The following U2SURP variants were observed in gnomAD, a reference collection of about 807,000 sequenced individuals.
The protein encoded by U2SURP is U2 snRNP-associated SURP motif-containing protein.
U2SURP carries 9 observed loss-of-function variants against 144.9 expected under a neutral mutation model. The observed-to-expected ratio is 0.06, with a 90% CI of 0.04 to 0.11. The LOEUF (loss-of-function observed/expected upper bound fraction) is 0.11, where lower values mean the gene tolerates loss of function less well. Ranked by LOEUF, U2SURP falls within the 10% of genes least tolerant of loss-of-function variation. The pLI is 1.00. For missense variants in U2SURP, 724 were observed against 1,226.7 expected, an observed-to-expected ratio of 0.59 and a Z score of 6.12; for synonymous variants, 408 against 396.8, an observed-to-expected ratio of 1.03 and a Z score of -0.33.
Position 143,020,041 on chromosome 3 carries a change from GT to G in U2SURP, c.638+9del. The G allele has an allele frequency of 1.4e-6, 2 of 1,472,344 alleles. No individual in the cohort carries two copies. The highest frequency in any genetic ancestry group is 1.8e-6 in the Non-Finnish European group (2 of 1,095,828). 91.2% of individuals were successfully genotyped at this position (1,472,344 alleles called of 1,614,324 possible). On this transcript the variant is annotated splice_donor_region_variant and intron_variant, in intron 7 of 27. Coordinates refer to ENST00000473835, the MANE Select transcript of U2SURP (RefSeq NM_001080415.2). ...CTTCAAAGAAGAATTAAAGCAGTAA[GT>G]TTTATAGTGTGGAGAATAACTATCA...
chr3:143,058,463 C>A lies in U2SURP; in HGVS notation c.*2013C>A, dbSNP rs1277410487. The A allele has an allele frequency of 2.0e-5, 3 of 151,806 alleles. No individual in the cohort carries two copies. The highest frequency in any genetic ancestry group is 4.4e-5 in the Non-Finnish European group (3 of 67,794). The allele number at this position is 151,806 out of a possible 1,614,324, so 9.4% of individuals were successfully genotyped here. A position where few individuals can be genotyped will look rare whatever the true frequency, so the allele number is the denominator to read the frequency against. ...GATACAAGTGTCATGGTTTATCTTA[C>A]AGTGGGTGAAACTGACTTTCTTTTG... On this transcript the variant is annotated 3_prime_UTR_variant, in exon 28 of 28. Transcript: ENST00000473835.
At chr3:143,053,535 A>AT (rs11441481) in intron 25 of U2SURP, 141 bp from the exon 26 acceptor site, 234,513 of 466,190 alleles carry the variant, frequency 0.5, 36,116 homozygotes, top group Admixed American at 0.6. Context: ...GAAGGGGTAG[A>AT]TTTTTTTTTT....
chr3:143,016,094 A>C (rs562638664), intron 4 of U2SURP, among the ~76,000 whole-genome samples, 163 bp from the exon 5 acceptor site: 16 of 152,262 alleles, frequency 1.1e-4, no homozygotes, highest in Non-Finnish European at 2.2e-4. Flanking sequence ...TGGTTTCATT[A>C]ATTAATACTT....
At position 143,040,740 on chromosome 3, in the gene U2SURP, T is replaced by G. The variant is rs142687609; in HGVS notation, c.2384+1780T>G. On this transcript the variant is annotated intron_variant, in intron 23 of 27. Transcript: ENST00000473835. ...CCAAAACCAGTTTAGAAAAACTGCTTAAGCCTTGAAAAAATTATAATAGCA... is the reference window on the plus strand; with the variant it reads ...CCAAAACCAGTTTAGAAAAACTGCTGAAGCCTTGAAAAAATTATAATAGCA... Among the ~76,000 whole-genome samples, 687 of 151,974 alleles carry G rather than the reference T, an allele frequency of 4.5e-3. 6 individuals carry two copies. Among genetic ancestry groups the G allele is most frequent in the African/African-American group, 0.016 (644 of 41,538 alleles).
rs762257961 is a variant in U2SURP at position 143,053,773 on chromosome 3, G to A, written c.2753G>A (p.Cys918Tyr). ...AAAGACAAGAAGGAAAAAGATGAGT[G>A]TACTCCGACAAGGAAGGAAAGGTAT... Reference protein sequence around the residue: ...RSKDKKEKDECTPTRKERKRR... With the variant: ...RSKDKKEKDEYTPTRKERKRR... The change falls in exon 26 of 28, where the codon TGT becomes TAT. Residue 918 changes from cysteine (C) to tyrosine (Y), a missense_variant. Coordinates refer to ENST00000473835, the MANE Select transcript of U2SURP (RefSeq NM_001080415.2). 3 of 1,599,348 alleles carry A rather than the reference G, an allele frequency of 1.9e-6. No individual in the cohort carries two copies. The highest frequency in any genetic ancestry group is 2.2e-5 in the East Asian group (1 of 44,748).
chr3:143,009,076 G>C (rs570170141), intron 1 of U2SURP, among the ~76,000 whole-genome samples: 295 of 152,194 alleles, frequency 1.9e-3, no homozygotes, highest in Non-Finnish European at 3.2e-3. Flanking sequence ...TCAGCCTCTT[G>C]CCTGAACTTG....
chr3:143,020,750 T>G, intron 8 of U2SURP, 57 bp downstream of exon 8: 1 of 1,342,952 alleles, frequency 7.4e-7, no homozygotes, highest in Non-Finnish European at 1.1e-6. Context: ...AGTTCCCACC[T>G]TATCCGTGGC....
intron 1 of U2SURP, among the ~76,000 whole-genome samples, chr3:143,008,056 A>C (rs906555027): frequency 2.0e-5 from 3 of 152,274 alleles, no homozygotes; most frequent in African/African-American, 7.2e-5. Context: ...AACTGAAATC[A>C]GCTGGTGCAT....
At chr3:143,049,265 CAAAAAAAAAAAAA>C (rs200930787) in intron 24 of U2SURP, among the ~76,000 whole-genome samples, 5 of 81,516 alleles carry the variant, frequency 6.1e-5, no homozygotes, top group South Asian at 4.2e-4. Flanking sequence ...GACTCCATCT[CAAAAAAAAAAAAA>C]AAAAAAAAAA....
At position 143,059,059 on chromosome 3, in the gene U2SURP, C is replaced by G. The variant is rs1162880284; in HGVS notation, c.*2609C>G. ...AAGTAAGTCTTGATCTGTTTCTTACCAAAGAGAGACAGACCTATGATGGAA... is the reference window on the plus strand; with the variant it reads ...AAGTAAGTCTTGATCTGTTTCTTACGAAAGAGAGACAGACCTATGATGGAA... On this transcript the variant is annotated 3_prime_UTR_variant, in exon 28 of 28. Transcript: ENST00000473835. 6.6e-6 allele frequency: 1 copy of G among 152,184 alleles called. No individual in the cohort carries two copies. Among genetic ancestry groups the G allele is most frequent in the Non-Finnish European group, 1.5e-5 (1 of 67,808 alleles). 9.4% of individuals were successfully genotyped at this position (152,184 alleles called of 1,614,324 possible).
At chr3:143,029,619 C>G (rs953301817) in intron 16 of U2SURP, among the ~76,000 whole-genome samples, 8 of 152,088 alleles carry the variant, frequency 5.3e-5, no homozygotes, top group Non-Finnish European at 1.2e-4. Context: ...GTTAATAATC[C>G]CACAATGGCC....
intron 19 of U2SURP, 138 bp from the exon 20 acceptor site, chr3:143,035,844 A>G: frequency 1.2e-6 from 1 of 828,536 alleles, no homozygotes; most frequent in Non-Finnish European, 1.8e-6. Flanking sequence ...GTAATGATAT[A>G]TAGTTATTTT....
intron 24 of U2SURP, among the ~76,000 whole-genome samples, chr3:143,047,628 A>C (rs1578168199): frequency 6.2e-5 from 2 of 32,428 alleles, no homozygotes; most frequent in African/African-American, 1.9e-4. Flanking sequence ...CAGGGGGCTG[A>C]CCCCCCCTCC....
chr3:143,027,126 C>CT, intron 13 of U2SURP, 23 bp from the exon 14 acceptor site: 1 of 1,581,732 alleles, frequency 6.3e-7, no homozygotes, highest in Non-Finnish European at 8.7e-7. Flanking sequence ...AATCCATTTT[C>CT]TTTAACTGTG....
chr3:143,034,246 A>G (rs1933679433), intron 18 of U2SURP, among the ~76,000 whole-genome samples: 1 of 152,116 alleles, frequency 6.6e-6, no homozygotes, highest in Non-Finnish European at 1.5e-5. Flanking sequence ...TCTAGTAAAA[A>G]TACAAAGATT....
intron 24 of U2SURP, among the ~76,000 whole-genome samples, chr3:143,045,429 G>A (rs1455481281): frequency 6.7e-6 from 1 of 148,156 alleles, no homozygotes; most frequent in Non-Finnish European, 1.5e-5. Flanking sequence ...TGTTGGAGTA[G>A]AAATAGACTT....
intron 21 of U2SURP, among the ~76,000 whole-genome samples, chr3:143,037,594 T>A (rs1933882647): frequency 6.6e-6 from 1 of 152,114 alleles, no homozygotes; most frequent in Non-Finnish European, 1.5e-5. Flanking sequence ...TCCTATAATA[T>A]TAGCAAGTTT....
chr3:143,054,896 C>T (rs10935479), intron 26 of U2SURP, 47 bp from the exon 27 acceptor site: 959,028 of 1,501,592 alleles, frequency 0.64, 307,585 homozygotes, highest in African/African-American at 0.76. Flanking sequence ...AATGAATACC[C>T]GATCCTTTGC....
chr3:143,054,797 A>G (rs1433356357), intron 26 of U2SURP, 146 bp from the exon 27 acceptor site: 11 of 764,220 alleles, frequency 1.4e-5, no homozygotes, highest in Non-Finnish European at 1.2e-5. Context: ...TCTTGTTACA[A>G]AGGACTTTGA....
Sources: gnomAD v4.1 joint callset for allele counts (sites outside exome capture counted in the v4.1 genomes callset) on GRCh38, gnomAD v4.1.1 for gene constraint, MANE v1.5 for transcripts, NCBI Gene and HGNC (gene_info 2026-07-23, HGNC 2026-07-21) for gene names.